The following ESRRG variants were observed in gnomAD, a reference collection of about 807,000 sequenced individuals.
ESRRG encodes the protein estrogen-related receptor gamma.
A neutral mutation model predicts 44.0 loss-of-function variants in ESRRG; 13 were observed. The ratio of observed to expected loss-of-function variants is 0.30; its 90% confidence interval spans 0.19 to 0.47. The LOEUF (loss-of-function observed/expected upper bound fraction) is 0.47, where lower values mean the gene tolerates loss of function less well. Ranked by LOEUF, ESRRG falls within the 20% of genes least tolerant of loss-of-function variation. The pLI, the probability that ESRRG is intolerant of heterozygous loss-of-function variation, is 1.00. For missense variants in ESRRG, 395 were observed against 580.6 expected, an observed-to-expected ratio of 0.68 and a Z score of 3.29; for synonymous variants, 215 against 214.6, an observed-to-expected ratio of 1.00 and a Z score of -0.02.
chr1:216,889,917 T>C (rs1372332402), intron 2 of ESRRG, among the ~76,000 whole-genome samples: 3 of 152,192 alleles, frequency 2.0e-5, no homozygotes, highest in Admixed American at 1.3e-4. Context: ...TGAAATCTTA[T>C]ATGGAGATAG....
At chr1:216,513,930 G>A (rs750727790) in intron 6 of ESRRG, among the ~76,000 whole-genome samples, 35 of 152,196 alleles carry the variant, frequency 2.3e-4, no homozygotes, top group Middle Eastern at 3.4e-3. Context: ...TGCTAATGAC[G>A]TTTTGTAACA....
intron 3 of ESRRG, among the ~76,000 whole-genome samples, chr1:216,614,881 G>T (rs2061202468): frequency 6.6e-6 from 1 of 152,160 alleles, no homozygotes; most frequent in Non-Finnish European, 1.5e-5. Flanking sequence ...ATTATTGCCA[G>T]GCTTTAAAAA....
intron 1 of ESRRG, among the ~76,000 whole-genome samples, chr1:216,969,646 C>T (rs563700925): frequency 1.2e-4 from 18 of 152,180 alleles, no homozygotes; most frequent in South Asian, 4.1e-4. Flanking sequence ...AGTGCAATGG[C>T]GCTATCTCAG....
At chr1:216,552,629 C>T (rs1046962638) in intron 5 of ESRRG, among the ~76,000 whole-genome samples, 1 of 152,094 alleles carries the variant, frequency 6.6e-6, no homozygotes, top group Non-Finnish European at 1.5e-5. Context: ...TGTGGCAATA[C>T]CAAGATTTGA....
intron 1 of ESRRG, among the ~76,000 whole-genome samples, chr1:217,059,142 G>A (rs1426670370): frequency 6.7e-6 from 1 of 149,514 alleles, no homozygotes; most frequent in Non-Finnish European, 1.5e-5. Context: ...GAAATGCAGG[G>A]GACAGAGGAA....
intron 2 of ESRRG, among the ~76,000 whole-genome samples, chr1:216,747,124 T>C (rs1330587399): frequency 1.3e-5 from 2 of 151,948 alleles, no homozygotes; most frequent in African/African-American, 4.9e-5. Context: ...TGCACACCCC[T>C]AATCTGATTT....
At chr1:216,726,963 C>T (rs903378138), upstream of ESRRG, among the ~76,000 whole-genome samples, 1 of 152,186 alleles carries the variant, frequency 6.6e-6, no homozygotes, top group Non-Finnish European at 1.5e-5. Flanking sequence ...TTTCTTGCAA[C>T]ATTCTAACTA....
At chr1:217,029,630 A>G (rs894085730) in intron 1 of ESRRG, among the ~76,000 whole-genome samples, 3 of 152,202 alleles carry the variant, frequency 2.0e-5, no homozygotes, top group African/African-American at 7.2e-5. Context: ...CTTGGCTTTA[A>G]CTACCGCCAG....
intron 1 of ESRRG, among the ~76,000 whole-genome samples, chr1:217,012,216 G>A (rs2818752): frequency 0.2 from 29,777 of 152,072 alleles, 3,187 homozygotes; most frequent in East Asian, 0.45. Flanking sequence ...CTTTTGGCCC[G>A]TCTTCTGAGA....
At chr1:216,633,913 T>C (rs1237222753) in intron 3 of ESRRG, among the ~76,000 whole-genome samples, 1 of 152,194 alleles carries the variant, frequency 6.6e-6, no homozygotes, top group East Asian at 1.9e-4. Context: ...TTCCAGAATT[T>C]CTCTCAATAG....
At chr1:216,775,108 C>A (rs187906558) in intron 2 of ESRRG, among the ~76,000 whole-genome samples, 3 of 152,064 alleles carry the variant, frequency 2.0e-5, no homozygotes, top group Non-Finnish European at 4.4e-5. Context: ...CGTGCCCAGC[C>A]TCTTTTCTTA....
intron 2 of ESRRG, among the ~76,000 whole-genome samples, chr1:216,886,170 C>G (rs1437507174): frequency 1.3e-5 from 2 of 152,122 alleles, no homozygotes; most frequent in South Asian, 4.1e-4. Context: ...GATCTTCTTC[C>G]CTACCCTGCT....
intron 2 of ESRRG, among the ~76,000 whole-genome samples, chr1:216,840,380 T>G (rs1013031389): frequency 6.6e-6 from 1 of 152,236 alleles, no homozygotes; most frequent in Non-Finnish European, 1.5e-5. Flanking sequence ...ACCTTGCTTT[T>G]GATTAGGCTT....
intron 1 of ESRRG, among the ~76,000 whole-genome samples, chr1:216,698,643 G>A (rs2080763893): frequency 1.3e-5 from 2 of 151,634 alleles, no homozygotes; most frequent in Non-Finnish European, 2.9e-5. Flanking sequence ...AGTAAGCAAC[G>A]GTGAGTATAG....
At chr1:217,078,257 G>C (rs2091480681) in intron 1 of ESRRG, 1 of 152,234 alleles carries the variant, frequency 6.6e-6, no homozygotes, top group South Asian at 2.1e-4. Context: ...TGCTAAATCT[G>C]ACAACAGAGA....
At chr1:216,908,991 T>G (rs1480706572) in intron 2 of ESRRG, among the ~76,000 whole-genome samples, 1 of 152,168 alleles carries the variant, frequency 6.6e-6, no homozygotes, top group Non-Finnish European at 1.5e-5. Context: ...AATTTTTTTT[T>G]GTTTGCTACT....
chr1:217,024,899 A>AT lies in ESRRG; in HGVS notation c.-106+64607dup, dbSNP rs558836250. On this transcript the variant is annotated intron_variant, in intron 1 of 7. Coordinates refer to the ESRRG transcript ENST00000359162. ...TGACTTGCTCCAGATTACTCAGCCA[A>AT]TTAGCAGCAGAGATATACTTTAAAA... Among the ~76,000 whole-genome samples the AT allele has an allele frequency of 4.6e-5, 7 of 152,350 alleles. No homozygotes were observed. In the South Asian group the frequency reaches 1.5e-3, roughly 32 times the overall value.
At chr1:216,723,511 G>A (rs1198805059), upstream of ESRRG, 2 of 536,488 alleles carry the variant, frequency 3.7e-6, no homozygotes, top group Non-Finnish European at 6.6e-6. Context: ...CAGTCCCACC[G>A]GCCCAGCCGC....
chr1:216,800,208 T>C (rs2094576157), intron 2 of ESRRG, among the ~76,000 whole-genome samples: 3 of 152,090 alleles, frequency 2.0e-5, no homozygotes, highest in South Asian at 4.1e-4. Flanking sequence ...CATTAACATA[T>C]TGTCACCAAT....
Sources: gnomAD v4.1 joint callset for allele counts (sites outside exome capture counted in the v4.1 genomes callset) on GRCh38, gnomAD v4.1.1 for gene constraint, MANE v1.5 for transcripts, NCBI Gene and HGNC (gene_info 2026-07-23, HGNC 2026-07-21) for gene names.